The following MTRF1 variants were observed in gnomAD, a reference collection of about 807,000 sequenced individuals.
MTRF1 encodes the protein mitochondrial translation release factor 1.
A neutral mutation model predicts 62.9 loss-of-function variants in MTRF1; 51 were observed. That is an observed-to-expected ratio of 0.81 (90% CI 0.65 to 1.02). MTRF1 has a LOEUF of 1.02. MTRF1 is among the 50% of genes least tolerant of loss of function. The probability of loss-of-function intolerance (pLI) is 0.00; values close to 1 mark genes in which losing one functional copy is unlikely to be tolerated. For synonymous variants in MTRF1, 158 were observed against 181.9 expected (o/e 0.87, Z 1.06); for missense variants, 446 against 530.0 (o/e 0.84, Z 1.56).
the MTRF1 span, among the ~76,000 whole-genome samples, chr13:41,283,889 A>G: frequency 6.6e-6 from 1 of 151,874 alleles, no homozygotes; most frequent in African/African-American, 2.4e-5. Flanking sequence ...TGACAATCTT[A>G]TTTGTTCCCG....
chr13:41,275,515 A>G, the MTRF1 span, among the ~76,000 whole-genome samples: 1 of 125,454 alleles, frequency 8.0e-6, no homozygotes, highest in East Asian at 2.4e-4. Flanking sequence ...TTTTTGAGAC[A>G]GAGTTTTTGC....
chr13:41,311,629 C>G, the MTRF1 span: 5 of 1,567,062 alleles, frequency 3.2e-6, no homozygotes, highest in Non-Finnish European at 8.7e-7. Context: ...CCCGGGTCCT[C>G]GGGCCTTAAG....
At chr13:41,311,479 C>CCCGGGCACCTAGCCTCCCTG in the MTRF1 span, 3 of 1,551,154 alleles carry the variant, frequency 1.9e-6, no homozygotes, top group South Asian at 1.2e-5. Context: ...AAGCGGAGCG[C>CCCGGGCACCTAGCCTCCCTG]CCGGGCACCT....
chr13:41,252,027 G>C (rs975926663), intron 5 of MTRF1, among the ~76,000 whole-genome samples: 1 of 152,072 alleles, frequency 6.6e-6, no homozygotes, highest in East Asian at 1.9e-4. Flanking sequence ...CTACAGGCAC[G>C]TGCCACCATG....
At chr13:41,272,731 A>G in the MTRF1 span, among the ~76,000 whole-genome samples, 1 of 152,020 alleles carries the variant, frequency 6.6e-6, no homozygotes, top group Non-Finnish European at 1.5e-5. Context: ...AAACACTTGA[A>G]CTCATCTTCC....
intron 1 of MTRF1, 42 bp downstream of exon 1, chr13:41,263,443 T>C (rs1318084193): frequency 2.5e-6 from 1 of 398,288 alleles, no homozygotes; most frequent in Non-Finnish European, 4.8e-6. Flanking sequence ...AAAGAGGCAA[T>C]ACAGGAGGCG....
chr13:41,235,911 T>G (rs555500380), intron 6 of MTRF1: 2 of 146,086 alleles, frequency 1.4e-5, no homozygotes, highest in East Asian at 2.0e-4. Flanking sequence ...TTGTTTTTTG[T>G]TTTTTTTTTT....
Position 41,244,775 on chromosome 13 carries a change from C to T in MTRF1, c.698-4342G>A, listed in dbSNP as rs570961501. ...GAGTGAGCTTGCAAGCAGGCCCTGA[C>T]ACCCCAGTCATGTGTTGAGATGACA... On this transcript the variant is annotated intron_variant, in intron 5 of 9. Coordinates refer to ENST00000379480, the MANE Select transcript of MTRF1 (RefSeq NM_004294.4). 2.0e-5 allele frequency among the ~76,000 whole-genome samples: 3 copies of T among 152,294 alleles called. No individual in the cohort carries two copies. In the South Asian group the frequency reaches 6.2e-4, roughly 32 times the overall value.
intron 1 of MTRF1, among the ~76,000 whole-genome samples, chr13:41,262,733 G>A (rs1405290602): frequency 1.3e-5 from 2 of 152,196 alleles, no homozygotes; most frequent in Non-Finnish European, 2.9e-5. Flanking sequence ...GACTGAGGCA[G>A]GAGGATCACT....
the MTRF1 span, among the ~76,000 whole-genome samples, chr13:41,272,534 T>C: frequency 6.6e-6 from 1 of 152,084 alleles, no homozygotes; most frequent in Non-Finnish European, 1.5e-5. Context: ...TCAAATCTGA[T>C]GAGAGAAAGA....
the MTRF1 span, among the ~76,000 whole-genome samples, chr13:41,290,938 CA>C: frequency 6.7e-6 from 1 of 149,294 alleles, no homozygotes; most frequent in Admixed American, 6.7e-5. Flanking sequence ...ACTAAAAATA[CA>C]AAAAAAATTA....
chr13:41,308,096 G>A, the MTRF1 span, among the ~76,000 whole-genome samples: 1 of 152,056 alleles, frequency 6.6e-6, no homozygotes, highest in African/African-American at 2.4e-5. Flanking sequence ...ACCTTCCTGG[G>A]CTGCTGATTT....
the MTRF1 span, among the ~76,000 whole-genome samples, chr13:41,292,125 G>C: frequency 1.3e-5 from 2 of 152,146 alleles, no homozygotes; most frequent in East Asian, 1.9e-4. Context: ...TGAAAGAAGA[G>C]AGAGAGAGCG....
chr13:41,294,483 T>A, the MTRF1 span, among the ~76,000 whole-genome samples: 14 of 151,750 alleles, frequency 9.2e-5, no homozygotes, highest in Non-Finnish European at 1.9e-4. Flanking sequence ...TGAAAAAAAT[T>A]TTTTGTCTAT....
intron 5 of MTRF1, among the ~76,000 whole-genome samples, chr13:41,250,110 C>G (rs545938481): frequency 6.6e-6 from 1 of 152,142 alleles, no homozygotes; most frequent in African/African-American, 2.4e-5. Flanking sequence ...TTGAGGTTAT[C>G]TCCCTTTTAT....
intron 9 of MTRF1, chr13:41,220,702 A>C: frequency 2.4e-6 from 2 of 843,578 alleles, no homozygotes; most frequent in Non-Finnish European, 3.4e-6. Flanking sequence ...TCTATTTCTC[A>C]TTTTTGCTTT....
At chr13:41,237,218 CAAAAAAAAA>C (rs11412273) in intron 6 of MTRF1, among the ~76,000 whole-genome samples, 1 of 63,896 alleles carries the variant, frequency 1.6e-5, no homozygotes, top group Non-Finnish European at 2.7e-5. Flanking sequence ...GAATCTGTCT[CAAAAAAAAA>C]AAAAAAAAAA....
At chr13:41,225,544 G>A (rs1371595569) in intron 8 of MTRF1, among the ~76,000 whole-genome samples, 5 of 152,010 alleles carry the variant, frequency 3.3e-5, no homozygotes, top group South Asian at 4.1e-4. Flanking sequence ...AGCTAGAAAC[G>A]TGAAAGTGTG....
intron 6 of MTRF1, chr13:41,235,963 G>C (rs1220189505): frequency 6.6e-6 from 1 of 152,020 alleles, no homozygotes; most frequent in East Asian, 1.9e-4. Flanking sequence ...GAATGCAGTG[G>C]CGTGATCTCA....
Sources: allele counts gnomAD v4.1 joint callset (sites outside exome capture counted in the v4.1 genomes callset), GRCh38; gene constraint gnomAD v4.1.1; transcripts MANE v1.5; gene names NCBI Gene and HGNC (gene_info 2026-07-23, HGNC 2026-07-21).